SATB2: variants seen among roughly 807,000 people sequenced by gnomAD.
The protein encoded by SATB2 is SATB homeobox 2.
In SATB2, 1 loss-of-function variant was observed where a neutral mutation model predicts 73.4. The ratio of observed to expected loss-of-function variants is 0.01; its 90% CI spans 0.00 to 0.06. SATB2 has a LOEUF of 0.06. Ranked by LOEUF, SATB2 falls within the 10% of genes least tolerant of loss-of-function variation. SATB2 has a pLI of 1.00. For synonymous variants in SATB2, 397 were observed against 367.0 expected, an observed-to-expected ratio of 1.08 and a Z score of -0.93; for missense variants, 459 against 945.8, an observed-to-expected ratio of 0.49 and a Z score of 6.75.
At chr2:199,375,141 G>T (rs940492028) in intron 5 of SATB2, among the ~76,000 whole-genome samples, 4 of 152,086 alleles carry the variant, frequency 2.6e-5, no homozygotes, top group African/African-American at 9.7e-5. Flanking sequence ...GCCGACCTTA[G>T]GTATTTCAAC....
upstream of SATB2, among the ~76,000 whole-genome samples, chr2:199,459,188 G>A (rs1030442770): frequency 1.3e-5 from 2 of 152,006 alleles, no homozygotes; most frequent in Admixed American, 1.3e-4. The surrounding 1 kb of genome is among the most constrained non-coding windows in gnomAD (Gnocchi z 4.2). Flanking sequence ...CAAGCTGCTC[G>A]AGCCCAGGGC....
intron 7 of SATB2, among the ~76,000 whole-genome samples, chr2:199,338,408 T>C (rs913284434): frequency 6.6e-6 from 1 of 151,824 alleles, no homozygotes; most frequent in Non-Finnish European, 1.5e-5. Flanking sequence ...TGCAGGTTTC[T>C]ACTGAAATAT....
rs373319001 is a variant in SATB2 at position 199,272,224 on chromosome 2, A to G, written c.2189T>C (p.Ile730Thr). The G allele has an allele frequency of 3.1e-6, 5 of 1,614,130 alleles. No homozygotes were observed. In the East Asian group the frequency reaches 1.1e-4, roughly 36 times the overall value. ...TAGAAGTTCACATTATCTCTGGTCA[A>G]TTTCGGCAGGTGCTGCCTTGCTTTT... Reference protein sequence around the residue: ...ADKSKAAPAEIDQR With the variant: ...ADKSKAAPAETDQR The change falls in exon 11 of 11, where the codon ATT becomes ACT. Residue 730 changes from isoleucine to threonine, a missense_variant. Ile to Thr is a moderately conservative substitution (Grantham distance 89). Transcript: ENST00000417098. This position sits in a 1 kb window ranked among gnomAD's most constrained non-coding sequence, Gnocchi z 6.7.
chr2:199,354,136 T>A (rs1226545545), intron 6 of SATB2, among the ~76,000 whole-genome samples: 3 of 152,160 alleles, frequency 2.0e-5, no homozygotes, highest in African/African-American at 7.2e-5. Context: ...GGAGGGCGGA[T>A]CACTTGAGAT....
chr2:199,454,576 G>A (rs1057468472), intron 2 of SATB2, among the ~76,000 whole-genome samples: 1 of 152,068 alleles, frequency 6.6e-6, no homozygotes, highest in Non-Finnish European at 1.5e-5. Flanking sequence ...TCCCAAAAAG[G>A]GGAGATAAAC....
intron 2 of SATB2, among the ~76,000 whole-genome samples, chr2:199,447,118 T>C (rs1691986900): frequency 6.6e-6 from 1 of 151,970 alleles, no homozygotes; most frequent in Non-Finnish European, 1.5e-5. Flanking sequence ...ACCACCTAGG[T>C]TTCTTCAGGA....
Position 199,455,779 on chromosome 2 carries a change from C to T in SATB2, c.169+90G>A, listed in dbSNP as rs747002108. The T allele has an allele frequency of 2.1e-6, 3 of 1,427,260 alleles. No homozygotes were observed. Among genetic ancestry groups the T allele is most frequent in the Non-Finnish European group, 2.9e-6 (3 of 1,050,118 alleles). The allele number at this position is 1,427,260 out of a possible 1,614,324, so 88.4% of individuals were successfully genotyped here. On this transcript the variant is annotated intron_variant, in intron 2 of 10. Transcript: ENST00000417098. This position sits in a 1 kb window ranked among gnomAD's most constrained non-coding sequence, Gnocchi z 4.1. ...GGAATTCACTTCCTGTAATCCTACA[C>T]CGCGACAGCGCCTAATCAACCTGAA... is the stretch of plus-strand genomic sequence containing the variant.
intron 10 of SATB2, among the ~76,000 whole-genome samples, chr2:199,300,920 G>A (rs575136091): frequency 3.3e-5 from 5 of 151,970 alleles, no homozygotes; most frequent in South Asian, 2.1e-4. Context: ...TTTGGAAGGC[G>A]GTGTGTTATG....
At chr2:199,340,190 T>G (rs1688462785) in intron 7 of SATB2, among the ~76,000 whole-genome samples, 1 of 152,214 alleles carries the variant, frequency 6.6e-6, no homozygotes, top group Admixed American at 6.5e-5. Flanking sequence ...TTATGATCCT[T>G]GTCTTAAGTT....
chr2:199,302,135 T>C (rs1687304510), intron 10 of SATB2, among the ~76,000 whole-genome samples: 1 of 152,202 alleles, frequency 6.6e-6, no homozygotes, highest in South Asian at 2.1e-4. Flanking sequence ...ACTTTTTAAA[T>C]TGTACAGTGT....
chr2:199,351,913 C>G (rs537898978), intron 6 of SATB2, among the ~76,000 whole-genome samples: 4 of 152,278 alleles, frequency 2.6e-5, no homozygotes, highest in African/African-American at 4.8e-5. Context: ...CTCTGTTACC[C>G]AAGATGGAGT....
chr2:199,428,630 T>G (rs940659405), intron 3 of SATB2, among the ~76,000 whole-genome samples: 1 of 152,208 alleles, frequency 6.6e-6, no homozygotes, highest in African/African-American at 2.4e-5. Flanking sequence ...ATGTATAACT[T>G]ACTTCAAAAG....
chr2:199,412,305 AC>A (rs1690844728), intron 3 of SATB2, among the ~76,000 whole-genome samples: 1 of 152,220 alleles, frequency 6.6e-6, no homozygotes, highest in Non-Finnish European at 1.5e-5. Flanking sequence ...AGTAGTCCTG[AC>A]TGAGCACTTC....
At position 199,455,618 on chromosome 2, in the gene SATB2, C is replaced by A. The variant is rs1024877169; in HGVS notation, c.169+251G>T. ...AACAGTTAGCTGGCTGTGACATAAA[C>A]CTGCCAACACCTCAGCACACAGTGG... On this transcript the variant is annotated intron_variant, in intron 2 of 10. Coordinates refer to ENST00000417098, the MANE Select transcript of SATB2 (RefSeq NM_001172509.2). The surrounding 1 kb of genome is among the most constrained non-coding windows in gnomAD (Gnocchi z 4.1). Among the ~76,000 whole-genome samples the A allele has an allele frequency of 2.6e-5, 4 of 152,226 alleles. No homozygotes were observed. Among genetic ancestry groups the A allele is most frequent in the African/African-American group, 9.6e-5 (4 of 41,456 alleles).
At chr2:199,401,466 T>C (rs1236857769) in intron 3 of SATB2, among the ~76,000 whole-genome samples, 3 of 151,324 alleles carry the variant, frequency 2.0e-5, no homozygotes, top group African/African-American at 4.9e-5. Flanking sequence ...GGCAGGAGAA[T>C]TGCTTGAACC....
chr2:199,470,323 A>C (rs1692679935), intron 1 of SATB2: 1 of 151,736 alleles, frequency 6.6e-6, no homozygotes, highest in African/African-American at 2.4e-5. Context: ...GCCTTTCTTT[A>C]CCCCCGACTC....
upstream of SATB2, among the ~76,000 whole-genome samples, chr2:199,462,499 T>C (rs562488027): frequency 6.6e-6 from 1 of 152,292 alleles, no homozygotes; most frequent in African/African-American, 2.4e-5. This position sits in a 1 kb window ranked among gnomAD's most constrained non-coding sequence, Gnocchi z 5.9. Flanking sequence ...CTTCAGCCCT[T>C]TCCCAGAGTG....
At chr2:199,302,674 A>C (rs1027801128) in intron 10 of SATB2, among the ~76,000 whole-genome samples, 1 of 152,222 alleles carries the variant, frequency 6.6e-6, no homozygotes, top group Non-Finnish European at 1.5e-5. Context: ...TGAAAGAAAA[A>C]TTCTAGTAAC....
Position 199,349,192 on chromosome 2 carries a change from G to T in SATB2, c.701-19C>A, listed in dbSNP as rs1574532948. The T allele has an allele frequency of 5.8e-6, 9 of 1,545,818 alleles. No homozygotes were observed. In the East Asian group the frequency reaches 2.0e-4, roughly 35 times the overall value. Reference sequence around the variant, plus strand: ...CTTTCCACTGTTAAGAGATAAAAGTGATAATTAATCATTATTTTCATTGGT... The same window carrying T: ...CTTTCCACTGTTAAGAGATAAAAGTTATAATTAATCATTATTTTCATTGGT... On this transcript the variant is annotated intron_variant, in intron 6 of 10. Coordinates refer to ENST00000417098, the MANE Select transcript of SATB2 (RefSeq NM_001172509.2).
Sources: allele counts gnomAD v4.1 joint callset (sites outside exome capture counted in the v4.1 genomes callset), GRCh38; gene constraint gnomAD v4.1.1; non-coding constraint Gnocchi (gnomAD v3.1); transcripts MANE v1.5; gene names NCBI Gene and HGNC (gene_info 2026-07-23, HGNC 2026-07-21).